COL18A1: variants seen among roughly 807,000 people sequenced by gnomAD.
The protein encoded by COL18A1 is collagen alpha-1(XVIII) chain.
A neutral mutation model predicts 168.0 loss-of-function variants in COL18A1; 133 were observed. The ratio of observed to expected loss-of-function variants is 0.79; its 90% confidence interval spans 0.69 to 0.91. The LOEUF (loss-of-function observed/expected upper bound fraction) is 0.91. Ranked by LOEUF, COL18A1 falls within the 40% of genes least tolerant of loss-of-function variation. The pLI is 0.00. For synonymous variants in COL18A1, 949 were observed against 809.0 expected (o/e 1.17, Z -2.94); for missense variants, 2,126 against 1,925.4 (o/e 1.10, Z -1.95).
rs183871379 is a variant in COL18A1, at chr21:45,509,291, C to T, written c.3250-65C>T. ...CCCTCTCACCCAGCCCAGAGGAGGACACAGATGGAGGAGGGGCACCCGGAG... is the reference window on the plus strand; with the variant it reads ...CCCTCTCACCCAGCCCAGAGGAGGATACAGATGGAGGAGGGGCACCCGGAG... On this transcript the variant is annotated intron_variant, in intron 38 of 41. Transcript: ENST00000651438. 2.4e-4 allele frequency: 369 copies of T among 1,531,778 alleles called. No homozygotes were observed. In the African/African-American group the frequency reaches 3.7e-3, roughly 16 times the overall value. The allele number at this position is 1,531,778 out of a possible 1,614,324, so 94.9% of individuals were successfully genotyped here.
intron 1 of COL18A1, 51 bp from the exon 2 acceptor site, chr21:45,405,328 G>GCGGGGGTCC: frequency 9.7e-7 from 1 of 1,035,806 alleles, no homozygotes; most frequent in East Asian, 4.0e-5. Flanking sequence ...GCCGGGTCCT[G>GCGGGGGTCC]CGGGGGTCGC....
intron 15 of COL18A1, among the ~76,000 whole-genome samples, chr21:45,485,815 T>C (rs894840008): frequency 1.2e-4 from 18 of 151,924 alleles, no homozygotes; most frequent in Admixed American, 5.9e-4. Context: ...ACAGAGGGGG[T>C]TTCCTTCCTC....
chr21:45,456,665 A>G (rs1293638535), intron 2 of COL18A1: 1 of 1,533,736 alleles, frequency 6.5e-7, no homozygotes, highest in Non-Finnish European at 8.7e-7. Flanking sequence ...CCTGCTGCAG[A>G]CGCACTGCCA....
chr21:45,476,692 GTGA>G (rs1308946759), intron 6 of COL18A1, among the ~76,000 whole-genome samples: 5 of 151,738 alleles, frequency 3.3e-5, no homozygotes, highest in Non-Finnish European at 7.4e-5. Context: ...TGTGACATGT[GTGA>G]TGTTTATGTG....
chr21:45,418,765 C>G lies in COL18A1; in HGVS notation c.106+13292C>G, dbSNP rs1470375538. On this transcript the variant is annotated intron_variant, in intron 2 of 41. Transcript: ENST00000651438. ...GCAGCGGCACCTCCTCAGGGGCCTCCAAGGCTGTCTCTGCTTTAGCGTTGG... is the reference window on the plus strand; with the variant it reads ...GCAGCGGCACCTCCTCAGGGGCCTCGAAGGCTGTCTCTGCTTTAGCGTTGG... Among the ~76,000 whole-genome samples the G allele has an allele frequency of 3.3e-5, 5 of 152,160 alleles. No individual in the cohort carries two copies. In the East Asian group the frequency reaches 9.6e-4, roughly 29 times the overall value.
chr21:45,437,991 C>G (rs1223691676), intron 2 of COL18A1, among the ~76,000 whole-genome samples: 2 of 102,118 alleles, frequency 2.0e-5, no homozygotes, highest in Non-Finnish European at 1.9e-5. Flanking sequence ...CACTCAGACA[C>G]ACAGGCACTC....
At chr21:45,494,280 T>C (rs4819123) in intron 26 of COL18A1, 106,425 of 480,736 alleles carry the variant, frequency 0.22, 13,343 homozygotes, top group African/African-American at 0.43. Context: ...TGCTTCAGGG[T>C]CCCGGGGCAT....
Position 45,410,227 on chromosome 21 carries a change from G to A in COL18A1, c.106+4754G>A, listed in dbSNP as rs555755445. On this transcript the variant is annotated intron_variant, in intron 2 of 41. Transcript: ENST00000651438. ...TGGCACTTTCTGGCATTTCATGGTG[G>A]CAGATGGGGTCACCTCGCCACCTCG... Among the ~76,000 whole-genome samples, 3 of 151,534 alleles carry A rather than the reference G, an allele frequency of 2.0e-5. No individual in the cohort carries two copies. In the South Asian group the frequency reaches 6.3e-4, roughly 32 times the overall value.
At chr21:45,452,662 G>A (rs1346277987) in intron 2 of COL18A1, among the ~76,000 whole-genome samples, 1 of 151,552 alleles carries the variant, frequency 6.6e-6, no homozygotes, top group Non-Finnish European at 1.5e-5. Context: ...GTGTATGCAT[G>A]TATTCATGTG....
chr21:45,512,903 G>A lies in COL18A1; in HGVS notation c.*505G>A, dbSNP rs886057141. ...CCTCCAGGGTGTGTGCTCGCCCTGC[G>A]GTAGATGGGAGGGAGGCTCAGGTCC... On this transcript the variant is annotated 3_prime_UTR_variant, in exon 42 of 42. Transcript: ENST00000651438. 7.5e-5 allele frequency: 15 copies of A among 199,212 alleles called. No individual in the cohort carries two copies. Among genetic ancestry groups the A allele is most frequent in the Middle Eastern group, 2.2e-3 (1 of 446 alleles). The allele number at this position is 199,212 out of a possible 1,614,324, so 12.3% of individuals were successfully genotyped here.
intron 33 of COL18A1, 114 bp from the exon 34 acceptor site, chr21:45,504,302 C>CAGGCCTGGGCTCCGGAAGCTTCT (rs2037049597): frequency 9.0e-7 from 1 of 1,115,512 alleles, no homozygotes; most frequent in Non-Finnish European, 1.3e-6. Context: ...CAGCAGCTCC[C>CAGGCCTGGGCTCCGGAAGCTTCT]AGGCCTGGGC....
At chr21:45,412,233 A>ATTTTTTTTT (rs1285919162) in intron 2 of COL18A1, among the ~76,000 whole-genome samples, 1 of 96,122 alleles carries the variant, frequency 1.0e-5, no homozygotes, top group Non-Finnish European at 2.0e-5. Context: ...CTGGGGGTAT[A>ATTTTTTTTT]TTTCTTTTTT....
At chr21:45,442,167 G>A (rs1474358560) in intron 2 of COL18A1, among the ~76,000 whole-genome samples, 1 of 152,018 alleles carries the variant, frequency 6.6e-6, no homozygotes, top group Admixed American at 6.5e-5. Context: ...GCTGCTGTGG[G>A]GCCACAGCCT....
chr21:45,410,530 C>T (rs2033259622), intron 2 of COL18A1, among the ~76,000 whole-genome samples: 1 of 152,182 alleles, frequency 6.6e-6, no homozygotes, highest in Non-Finnish European at 1.5e-5. Context: ...GTTACGGTGG[C>T]GGAACTCGCA....
intron 2 of COL18A1, among the ~76,000 whole-genome samples, chr21:45,407,139 C>T (rs940338331): frequency 2.0e-5 from 3 of 152,266 alleles, no homozygotes; most frequent in South Asian, 2.1e-4. Context: ...GCCCGGGTTC[C>T]AGTCCTTGCA....
chr21:45,488,898 G>A (rs988924305), intron 18 of COL18A1, among the ~76,000 whole-genome samples: 14 of 150,886 alleles, frequency 9.3e-5, no homozygotes, highest in South Asian at 2.1e-4. Context: ...GCCTGGCCCC[G>A]AAGACCCCAC....
At chr21:45,490,202 G>A (rs1054583668) in intron 19 of COL18A1, 73 bp from the exon 20 acceptor site, 30 of 1,310,936 alleles carry the variant, frequency 2.3e-5, no homozygotes, top group Admixed American at 8.0e-5. Flanking sequence ...CGGGTGCCCC[G>A]GACTCCTCGT....
Position 45,512,935 on chromosome 21 carries a change from C to A in COL18A1, c.*537C>A. 1 of 188,840 alleles carries A rather than the reference C, an allele frequency of 5.3e-6. No homozygotes were observed. The highest frequency in any genetic ancestry group is 1.1e-5 in the Non-Finnish European group (1 of 88,928). The allele number at this position is 188,840 out of a possible 1,614,324, so 11.7% of individuals were successfully genotyped here. A position where few individuals can be genotyped will look rare whatever the true frequency, so the allele number is the denominator to read the frequency against. On this transcript the variant is annotated 3_prime_UTR_variant, in exon 42 of 42. Transcript: ENST00000651438. ...GGGAGGGAGGCTCAGGTCCCTGGGG[C>A]TAGGGGGAGCCCCTTCTGCTCAGCT...
chr21:45,492,360 T>C (rs1456458126), intron 22 of COL18A1, among the ~76,000 whole-genome samples, 175 bp from the exon 23 acceptor site: 3 of 152,204 alleles, frequency 2.0e-5, no homozygotes, highest in Non-Finnish European at 4.4e-5. Context: ...CCAGCTGCTC[T>C]GAGCTGAGGG....
Sources: allele counts gnomAD v4.1 joint callset (sites outside exome capture counted in the v4.1 genomes callset), GRCh38; gene constraint gnomAD v4.1.1; transcripts MANE v1.5; gene names NCBI Gene and HGNC (gene_info 2026-07-23, HGNC 2026-07-21).